The following CSMD2 variants were observed in gnomAD, a reference collection of about 807,000 sequenced individuals.
CSMD2 encodes the protein CUB and Sushi multiple domains 2.
A neutral mutation model predicts 398.5 loss-of-function variants in CSMD2; 130 were observed. The ratio of observed to expected loss-of-function variants is 0.33; its 90% CI spans 0.28 to 0.38. The LOEUF is 0.38. CSMD2 is among the 10% of genes least tolerant of loss of function. The pLI is 1.00. For missense variants in CSMD2, 3,829 were observed against 4,764.9 expected, an observed-to-expected ratio of 0.80 and a Z score of 5.78; for synonymous variants, 1,828 against 1,908.5, an observed-to-expected ratio of 0.96 and a Z score of 1.10.
At chr1:33,891,486 T>C (rs1267307605) in intron 5 of CSMD2, among the ~76,000 whole-genome samples, 1 of 151,598 alleles carries the variant, frequency 6.6e-6, no homozygotes, top group Non-Finnish European at 1.5e-5. Flanking sequence ...TGGAAGTCAG[T>C]GTGGCGATTC....
intron 25 of CSMD2, among the ~76,000 whole-genome samples, chr1:33,666,541 ATGTGTGTG>A (rs67825405): frequency 7.1e-4 from 106 of 148,626 alleles, no homozygotes; most frequent in Non-Finnish European, 1.3e-3. Context: ...AGATATATAT[ATGTGTGTG>A]TGTGTGTGTG....
intron 2 of CSMD2, among the ~76,000 whole-genome samples, chr1:34,083,790 A>G (rs1657538596): frequency 6.6e-6 from 1 of 152,110 alleles, no homozygotes; most frequent in South Asian, 2.1e-4. Flanking sequence ...GTGGGGGCTC[A>G]TGCCTGTAGT....
intron 25 of CSMD2, among the ~76,000 whole-genome samples, chr1:33,686,236 T>C (rs1645058630): frequency 1.3e-5 from 2 of 152,162 alleles, no homozygotes; most frequent in Non-Finnish European, 2.9e-5. Flanking sequence ...GCCCACTGAT[T>C]ATTAAAAACA....
chr1:33,672,128 C>T (rs1020928691), intron 25 of CSMD2, among the ~76,000 whole-genome samples: 2 of 152,162 alleles, frequency 1.3e-5, no homozygotes, highest in African/African-American at 4.8e-5. Flanking sequence ...GAGTGCCGGA[C>T]AGTGGGTGCA....
At chr1:33,999,671 T>C (rs1293958426) in intron 3 of CSMD2, among the ~76,000 whole-genome samples, 1 of 152,128 alleles carries the variant, frequency 6.6e-6, no homozygotes, top group Non-Finnish European at 1.5e-5. Context: ...GGATTACAGA[T>C]ACATAAGCTG....
At chr1:33,793,487 G>C (rs1159720890) in intron 10 of CSMD2, among the ~76,000 whole-genome samples, 1 of 152,176 alleles carries the variant, frequency 6.6e-6, no homozygotes, top group Non-Finnish European at 1.5e-5. Context: ...AATGTGACTG[G>C]GCCTTCAGTG....
At chr1:33,917,322 A>G (rs994195826) in intron 5 of CSMD2, among the ~76,000 whole-genome samples, 64 of 152,232 alleles carry the variant, frequency 4.2e-4, no homozygotes, top group African/African-American at 1.5e-3. Context: ...TCATGTGCTA[A>G]CAAAAGTCCT....
chr1:33,576,217 C>G (rs6425828), intron 49 of CSMD2, among the ~76,000 whole-genome samples: 31,772 of 152,126 alleles, frequency 0.21, 3,619 homozygotes, highest in African/African-American at 0.28. Context: ...AAATGACCAA[C>G]AAGAGAATGA....
chr1:33,754,166 C>G (rs1237439899), intron 13 of CSMD2, among the ~76,000 whole-genome samples: 1 of 152,178 alleles, frequency 6.6e-6, no homozygotes, highest in Non-Finnish European at 1.5e-5. Flanking sequence ...CTCCGAATAG[C>G]ACATTGAAAT....
At chr1:33,560,103 T>C (rs12733979) in intron 53 of CSMD2, among the ~76,000 whole-genome samples, 17,444 of 152,068 alleles carry the variant, frequency 0.11, 1,321 homozygotes, top group African/African-American at 0.2. Context: ...AGGGACCTAG[T>C]TGTCTGCAGG....
intron 1 of CSMD2, among the ~76,000 whole-genome samples, chr1:34,115,048 G>C (rs1308062977): frequency 6.6e-6 from 1 of 151,998 alleles, no homozygotes; most frequent in Non-Finnish European, 1.5e-5. Context: ...TATTAAGTCA[G>C]AGGAACAAAT....
intron 25 of CSMD2, among the ~76,000 whole-genome samples, chr1:33,687,675 G>A (rs1235180941): frequency 6.6e-6 from 1 of 151,760 alleles, no homozygotes; most frequent in African/African-American, 2.4e-5. Context: ...AATGCCCATG[G>A]AACATAAATA....
In CSMD2 at chr1:33,709,215, C is replaced by G; in HGVS notation, c.3450G>C (p.Leu1150=). Residue 1150 remains leucine (L), a synonymous_variant, in exon 22 of 71, where the codon CTG becomes CTC. Coordinates refer to ENST00000373381, the MANE Select transcript of CSMD2 (RefSeq NM_001281956.2). ...NSVTGTQGTL[L]SPNFPVNYNN... is the part of the protein sequence containing the mutation. ...TGTAGTTCACAGGAAAGTTGGGGGACAGCAAAGTACCCTGAGTGCCTGTGA... is the reference window on the plus strand; with the variant it reads ...TGTAGTTCACAGGAAAGTTGGGGGAGAGCAAAGTACCCTGAGTGCCTGTGA... 2 of 1,614,002 alleles carry G rather than the reference C, an allele frequency of 1.2e-6. No individual in the cohort carries two copies. Among genetic ancestry groups the G allele is most frequent in the Non-Finnish European group, 1.7e-6 (2 of 1,179,958 alleles).
chr1:33,817,316 T>C (rs1040861864), intron 9 of CSMD2, among the ~76,000 whole-genome samples: 1 of 152,136 alleles, frequency 6.6e-6, no homozygotes, highest in South Asian at 2.1e-4. Flanking sequence ...TTAACCTGTG[T>C]TGAGAATGTA....
At chr1:33,970,602 C>T (rs557139401) in intron 3 of CSMD2, among the ~76,000 whole-genome samples, 73 of 152,314 alleles carry the variant, frequency 4.8e-4, no homozygotes, top group African/African-American at 1.7e-3. Context: ...AGCTCTCCTT[C>T]CCAGCCCGGG....
intron 11 of CSMD2, among the ~76,000 whole-genome samples, chr1:33,789,030 T>A (rs1653897992): frequency 6.6e-6 from 1 of 152,122 alleles, no homozygotes; most frequent in Non-Finnish European, 1.5e-5. Context: ...TGGAGCCAAA[T>A]CCAATCAAGA....
chr1:33,626,604 G>A (rs1642144866), intron 32 of CSMD2, 23 bp from the exon 33 acceptor site: 5 of 1,557,688 alleles, frequency 3.2e-6, no homozygotes, highest in Non-Finnish European at 4.4e-6. Context: ...GGGGCAAGGA[G>A]GAGAGAACAG....
chr1:33,676,249 A>T (rs1014697122), intron 25 of CSMD2, among the ~76,000 whole-genome samples: 1 of 152,366 alleles, frequency 6.6e-6, no homozygotes, highest in Non-Finnish European at 1.5e-5. Context: ...CTGATAAGCA[A>T]CTTCAGCAAA....
intron 19 of CSMD2, among the ~76,000 whole-genome samples, chr1:33,719,944 G>A (rs147225062): frequency 6.6e-6 from 1 of 152,274 alleles, no homozygotes; most frequent in African/African-American, 2.4e-5. Flanking sequence ...TCAGCTCTGG[G>A]GTCTCAGCAA....
Sources: allele counts gnomAD v4.1 joint callset (sites outside exome capture counted in the v4.1 genomes callset), GRCh38; gene constraint gnomAD v4.1.1; transcripts MANE v1.5; gene names NCBI Gene and HGNC (gene_info 2026-07-23, HGNC 2026-07-21).